RUNX1: variants seen among roughly 807,000 people sequenced by gnomAD.
The protein encoded by RUNX1 is RUNX family transcription factor 1.
A neutral mutation model predicts 42.8 loss-of-function variants in RUNX1; 19 were observed. The ratio of observed to expected loss-of-function variants is 0.44; its 90% CI spans 0.31 to 0.65. The LOEUF (loss-of-function observed/expected upper bound fraction) is 0.65. Ranked by LOEUF, RUNX1 falls within the 30% of genes least tolerant of loss-of-function variation. RUNX1 has a pLI of 0.07. For missense variants in RUNX1, 528 were observed against 672.0 expected (o/e 0.79, Z 2.37); for synonymous variants, 271 against 289.4 (o/e 0.94, Z 0.64).
intron 8 of RUNX1, among the ~76,000 whole-genome samples, chr21:34,794,125 G>A (rs2056491271): frequency 1.3e-5 from 2 of 151,900 alleles, no homozygotes; most frequent in African/African-American, 4.8e-5. Flanking sequence ...ATGATAATTT[G>A]ACACTAATGT....
chr21:34,921,975 A>C (rs187483151), intron 2 of RUNX1, among the ~76,000 whole-genome samples: 2 of 152,316 alleles, frequency 1.3e-5, no homozygotes, highest in East Asian at 3.9e-4. Flanking sequence ...CTCAACTATG[A>C]TCAATCCCTT....
intron 2 of RUNX1, among the ~76,000 whole-genome samples, chr21:35,040,638 G>A (rs1305561789): frequency 6.6e-6 from 1 of 151,936 alleles, no homozygotes; most frequent in Non-Finnish European, 1.5e-5. Context: ...CGGGCGTGGT[G>A]GCACACACCT....
chr21:34,861,145 G>A (rs958260426), intron 5 of RUNX1, among the ~76,000 whole-genome samples: 2 of 152,170 alleles, frequency 1.3e-5, no homozygotes, highest in East Asian at 1.9e-4. Context: ...ACCTAGAGAC[G>A]AGTCTTGTTG....
At chr21:34,935,069 C>G (rs971850111) in intron 2 of RUNX1, among the ~76,000 whole-genome samples, 2 of 151,584 alleles carry the variant, frequency 1.3e-5, no homozygotes, top group African/African-American at 4.9e-5. Flanking sequence ...AATTCTTAAC[C>G]CAGTGGTATA....
In RUNX1 at chr21:35,033,036, TCTATCCATCTACCTGC is replaced by T. The variant is rs561381147; in HGVS notation, c.58+15790_58+15805del. ...ATCCATCTATCCATTCATTCAACTATCTATCCATCTACCTGCCTATCCATCCATTCATTTCCATTCA... is the reference window on the plus strand; with the variant it reads ...ATCCATCTATCCATTCATTCAACTATCTATCCATCCATTCATTTCCATTCA... On this transcript the variant is annotated intron_variant, in intron 2 of 8. Coordinates refer to ENST00000675419, the MANE Select transcript of RUNX1 (RefSeq NM_001754.5). 2.6e-5 allele frequency among the ~76,000 whole-genome samples: 4 copies of T among 152,296 alleles called. No homozygotes were observed. In the East Asian group the frequency reaches 7.7e-4, roughly 29 times the overall value.
At chr21:34,866,809 C>T (rs559634806) in intron 5 of RUNX1, among the ~76,000 whole-genome samples, 10 of 152,200 alleles carry the variant, frequency 6.6e-5, no homozygotes, top group Non-Finnish European at 1.3e-4. Context: ...TTGATCCAAT[C>T]GCACTCACAT....
intron 2 of RUNX1, among the ~76,000 whole-genome samples, chr21:35,018,269 G>C (rs1318888085): frequency 6.6e-6 from 1 of 152,104 alleles, no homozygotes; most frequent in Non-Finnish European, 1.5e-5. Context: ...CAAGTGATCT[G>C]CCTGTCTCGG....
At chr21:34,953,313 G>A (rs1165402588) in intron 2 of RUNX1, among the ~76,000 whole-genome samples, 1 of 152,278 alleles carries the variant, frequency 6.6e-6, no homozygotes, top group East Asian at 1.9e-4. Context: ...GGATAACAGT[G>A]TGCTTAGGTA....
chr21:35,045,354 T>C (rs1662873169), intron 2 of RUNX1, among the ~76,000 whole-genome samples: 1 of 152,184 alleles, frequency 6.6e-6, no homozygotes, highest in South Asian at 2.1e-4. Flanking sequence ...TCAGATTTGC[T>C]AAGACCCACT....
chr21:34,950,951 T>C (rs1446265866), intron 2 of RUNX1, among the ~76,000 whole-genome samples: 1 of 152,252 alleles, frequency 6.6e-6, no homozygotes, highest in Non-Finnish European at 1.5e-5. Flanking sequence ...AATCCTTTAT[T>C]GACATTTAGT....
chr21:34,989,534 T>C (rs1385137565), intron 2 of RUNX1, among the ~76,000 whole-genome samples: 2 of 152,074 alleles, frequency 1.3e-5, no homozygotes, highest in Non-Finnish European at 2.9e-5. Flanking sequence ...ATCATCCCCT[T>C]GGGCAACTGC....
chr21:34,837,311 T>C (rs2057161742), intron 6 of RUNX1, among the ~76,000 whole-genome samples: 1 of 152,182 alleles, frequency 6.6e-6, no homozygotes, highest in Non-Finnish European at 1.5e-5. Context: ...ATTGCCTTGG[T>C]AGGGGTCTTG....
intron 5 of RUNX1, among the ~76,000 whole-genome samples, chr21:34,864,292 T>C (rs2057623935): frequency 6.6e-6 from 1 of 152,238 alleles, no homozygotes; most frequent in South Asian, 2.1e-4. Flanking sequence ...TACATGGGTG[T>C]GGAGCACAAA....
intron 2 of RUNX1, among the ~76,000 whole-genome samples, chr21:34,968,812 T>C (rs952989449): frequency 6.6e-6 from 1 of 152,168 alleles, no homozygotes; most frequent in Non-Finnish European, 1.5e-5. Context: ...AGAATGATGC[T>C]AACAGAAAGT....
chr21:34,984,852 A>G (rs920318043), intron 2 of RUNX1, among the ~76,000 whole-genome samples: 36 of 152,308 alleles, frequency 2.4e-4, no homozygotes, highest in African/African-American at 7.5e-4. Flanking sequence ...GAAGGAAGGA[A>G]GTGATCAGGT....
intron 7 of RUNX1, among the ~76,000 whole-genome samples, chr21:34,825,260 C>A (rs1348898247): frequency 6.6e-6 from 1 of 152,092 alleles, no homozygotes; most frequent in East Asian, 1.9e-4. Context: ...CTGTTCCTAC[C>A]ATCTAAGCTG....
chr21:34,850,995 T>C (rs1422897324), intron 6 of RUNX1, among the ~76,000 whole-genome samples: 16 of 152,156 alleles, frequency 1.1e-4, no homozygotes, highest in Non-Finnish European at 1.0e-4. Flanking sequence ...AGCCTTCCAG[T>C]GATGTGACGG....
Position 35,038,878 on chromosome 21 carries a change from G to C in RUNX1, c.58+9964C>G. 1.1e-5 allele frequency: 4 copies of C among 374,468 alleles called. 1 individual carries two copies. The highest frequency in any genetic ancestry group is 1.6e-5 in the Non-Finnish European group (3 of 186,292). 23.2% of individuals were successfully genotyped at this position (374,468 alleles called of 1,614,324 possible). On this transcript the variant is annotated intron_variant, in intron 2 of 8. Coordinates refer to ENST00000675419, the MANE Select transcript of RUNX1 (RefSeq NM_001754.5). Reference sequence around the variant, plus strand: ...CATGGATGTGCACATTGGCTGTTGTGGTGGTTCAAATTTTGCCCTAGACCC... The same window carrying C: ...CATGGATGTGCACATTGGCTGTTGTCGTGGTTCAAATTTTGCCCTAGACCC...
chr21:34,827,691 C>G (rs141441538), intron 7 of RUNX1, among the ~76,000 whole-genome samples: 38 of 152,332 alleles, frequency 2.5e-4, no homozygotes, highest in African/African-American at 8.9e-4. Flanking sequence ...TGGTGCAGCA[C>G]ACCTTGGCCA....
Sources: gnomAD v4.1 joint callset for allele counts (sites outside exome capture counted in the v4.1 genomes callset) on GRCh38, gnomAD v4.1.1 for gene constraint, MANE v1.5 for transcripts, NCBI Gene and HGNC (gene_info 2026-07-23, HGNC 2026-07-21) for gene names.